Variants in TOGARAM2 observed in about 807,000 individuals in gnomAD.
TOGARAM2 encodes the protein TOG array regulator of axonemal microtubules protein 2.
TOGARAM2 carries 85 observed loss-of-function variants against 93.3 expected under a neutral mutation model. That is an observed-to-expected ratio of 0.91 (90% confidence interval 0.76 to 1.09). The LOEUF is 1.09. Ranked by LOEUF, TOGARAM2 falls within the 50% of genes least tolerant of loss-of-function variation. The pLI, the probability that TOGARAM2 is intolerant of heterozygous loss-of-function variation, is 0.00. For missense variants in TOGARAM2, 1,277 were observed against 1,334.5 expected (o/e 0.96, Z 0.67); for synonymous variants, 593 against 552.8 (o/e 1.07, Z -1.02).
chr2:29,004,480 G>A (rs1673502702), intron 6 of TOGARAM2, among the ~76,000 whole-genome samples: 1 of 152,212 alleles, frequency 6.6e-6, no homozygotes, highest in Non-Finnish European at 1.5e-5. Flanking sequence ...GGCATAAATC[G>A]GGTTATGGCT....
intron 1 of TOGARAM2, among the ~76,000 whole-genome samples, chr2:28,989,505 C>T (rs1672617716): frequency 6.6e-6 from 1 of 152,268 alleles, no homozygotes; most frequent in East Asian, 1.9e-4. Context: ...TCAAGTGATC[C>T]TCCTGCCTCA....
At chr2:29,037,936 G>A (rs974340380) in intron 18 of TOGARAM2, among the ~76,000 whole-genome samples, 2 of 152,146 alleles carry the variant, frequency 1.3e-5, no homozygotes, top group African/African-American at 4.8e-5. Context: ...AGCAAAATAG[G>A]CTTTAGCTAT....
intron 8 of TOGARAM2, among the ~76,000 whole-genome samples, chr2:29,016,603 T>C (rs1664585815): frequency 6.6e-6 from 1 of 152,236 alleles, no homozygotes; most frequent in African/African-American, 2.4e-5. Flanking sequence ...GTCACTCCTC[T>C]GCTCAAAACC....
At chr2:29,040,502 C>A (rs532340270) in intron 18 of TOGARAM2, among the ~76,000 whole-genome samples, 48 of 152,250 alleles carry the variant, frequency 3.2e-4, no homozygotes, top group African/African-American at 1.1e-3. Context: ...ACTTTAGCAT[C>A]CCCTTAGAAT....
intron 6 of TOGARAM2, among the ~76,000 whole-genome samples, chr2:29,007,587 T>C (rs1663959887): frequency 6.6e-6 from 1 of 152,148 alleles, no homozygotes; most frequent in Non-Finnish European, 1.5e-5. Flanking sequence ...CTTGCAGCCC[T>C]GTGCGCTCCA....
Position 28,994,834 on chromosome 2 carries a change from C to A in TOGARAM2, c.-1C>A. On this transcript the variant is annotated 5_prime_UTR_variant, in exon 2 of 20. Transcript: ENST00000379558. Reference sequence around the variant, plus strand: ...TTGTAGGCACCTTCTCCACCCAGGACATGGGCACCCGTGACGATGTCCCCG... The same window carrying A: ...TTGTAGGCACCTTCTCCACCCAGGAAATGGGCACCCGTGACGATGTCCCCG... 6.4e-7 allele frequency: 1 copy of A among 1,552,440 alleles called. No individual in the cohort carries two copies. The highest frequency in any genetic ancestry group is 8.7e-7 in the Non-Finnish European group (1 of 1,147,354).
intron 1 of TOGARAM2, among the ~76,000 whole-genome samples, chr2:28,993,797 G>A (rs1469384800): frequency 6.6e-6 from 1 of 152,256 alleles, no homozygotes; most frequent in Non-Finnish European, 1.5e-5. Context: ...GGGTGGGGCA[G>A]TGGCTGGCTG....
At chr2:28,989,844 C>T (rs1465577645) in intron 1 of TOGARAM2, among the ~76,000 whole-genome samples, 1 of 152,270 alleles carries the variant, frequency 6.6e-6, no homozygotes. Context: ...AGCTGGGGCT[C>T]AGAGAAGTTT....
intron 1 of TOGARAM2, among the ~76,000 whole-genome samples, chr2:28,974,319 G>C (rs1671996189): frequency 1.3e-5 from 2 of 151,658 alleles, no homozygotes; most frequent in African/African-American, 2.4e-5. Context: ...GTAGAAACAG[G>C]GTTTCACCAT....
At chr2:29,010,394 T>C (rs968250138) in intron 6 of TOGARAM2, among the ~76,000 whole-genome samples, 1 of 152,138 alleles carries the variant, frequency 6.6e-6, no homozygotes, top group Admixed American at 6.5e-5. Flanking sequence ...CCCAAGAGGC[T>C]GGGCCTGGCC....
In TOGARAM2 at chr2:29,035,592, G is replaced by A; in HGVS notation, c.2354G>A (p.Gly785Asp). ...AAGGACTTCCGGTCCCGGATGGAAG[G>A]CGTGGGGCAGCTCCTGGAGCTCTGC... ...EAKDFRSRMEGVGQLLELCKA... is the reference protein window; with the variant it reads ...EAKDFRSRMEDVGQLLELCKA... Residue 785 changes from glycine to aspartate, a missense_variant, in exon 17 of 20, where the codon GGC becomes GAC. Coordinates refer to ENST00000379558, the MANE Select transcript of TOGARAM2 (RefSeq NM_199280.4). The A allele has an allele frequency of 1.9e-6, 3 of 1,587,626 alleles. No individual in the cohort carries two copies. The highest frequency in any genetic ancestry group is 2.6e-6 in the Non-Finnish European group (3 of 1,166,406).
rs746599615 is a variant in TOGARAM2, at chr2:29,002,740, C to G, written c.632C>G (p.Ala211Gly). The change falls in exon 5 of 20, where the codon GCT (alanine) becomes GGT (glycine). Residue 211 changes from alanine to glycine, a missense_variant. Transcript: ENST00000379558. ...GGTCCTCACGAGTTGAGACCCGGTG[C>G]TCAGGAGGTAAGGTGGTTCGACTGC... ...IPGPHELRPG[A>G]QEAQISWQYL... 1 of 1,613,164 alleles carries G rather than the reference C, an allele frequency of 6.2e-7. No individual in the cohort carries two copies. Among genetic ancestry groups the G allele is most frequent in the East Asian group, 2.2e-5 (1 of 44,860 alleles).
intron 14 of TOGARAM2, among the ~76,000 whole-genome samples, chr2:29,029,893 C>T (rs1394242522): frequency 6.6e-6 from 1 of 152,120 alleles, no homozygotes; most frequent in African/African-American, 2.4e-5. Context: ...TCACGAATCA[C>T]TACTAAAGAA....
rs115785491 is a variant in TOGARAM2 at position 28,982,412 on chromosome 2, A to G, written c.-111+874A>G. ...GCATCACTGAGGCAGGCCACAGGGCATTGGTGCCTGGCCCCAGGAAGTGGT... is the reference window on the plus strand; with the variant it reads ...GCATCACTGAGGCAGGCCACAGGGCGTTGGTGCCTGGCCCCAGGAAGTGGT... On this transcript the variant is annotated intron_variant, in intron 1 of 19. Transcript: ENST00000379558. Among the ~76,000 whole-genome samples the G allele has an allele frequency of 6.3e-3, 964 of 152,270 alleles. 11 individuals carry two copies. Among genetic ancestry groups the G allele is most frequent in the African/African-American group, 0.021 (893 of 41,556 alleles).
At chr2:29,044,531 G>A (rs1359855676) in intron 18 of TOGARAM2, among the ~76,000 whole-genome samples, 1 of 152,108 alleles carries the variant, frequency 6.6e-6, no homozygotes, top group Non-Finnish European at 1.5e-5. Context: ...GAAATGGGGA[G>A]AGCCCGGGCC....
At chr2:29,015,271 C>T (rs938385495) in intron 8 of TOGARAM2, among the ~76,000 whole-genome samples, 3 of 152,156 alleles carry the variant, frequency 2.0e-5, no homozygotes, top group Admixed American at 6.5e-5. Context: ...TTCAGTGCAG[C>T]GAAACGAGCT....
intron 1 of TOGARAM2, among the ~76,000 whole-genome samples, chr2:28,984,383 C>T (rs1032651776): frequency 1.3e-5 from 2 of 152,136 alleles, no homozygotes; most frequent in Non-Finnish European, 2.9e-5. Context: ...GGGACAGGGC[C>T]GGGGTCTGAA....
At chr2:29,042,579 T>G (rs934017436) in intron 18 of TOGARAM2, among the ~76,000 whole-genome samples, 1 of 152,188 alleles carries the variant, frequency 6.6e-6, no homozygotes, top group Non-Finnish European at 1.5e-5. Context: ...ATGATTTTAT[T>G]CAGCAGCAGC....
intron 18 of TOGARAM2, among the ~76,000 whole-genome samples, chr2:29,037,325 C>T (rs1666178094): frequency 6.6e-6 from 1 of 152,102 alleles, no homozygotes; most frequent in Admixed American, 6.5e-5. Flanking sequence ...AGTACGTGGA[C>T]CAAAGTGCAA....
Sources: allele counts gnomAD v4.1 joint callset (sites outside exome capture counted in the v4.1 genomes callset), GRCh38; gene constraint gnomAD v4.1.1; transcripts MANE v1.5; gene names NCBI Gene and HGNC (gene_info 2026-07-23, HGNC 2026-07-21).